Variants in PSMD1 observed in about 807,000 individuals in gnomAD.
The protein encoded by PSMD1 is 26S proteasome non-ATPase regulatory subunit 1.
A neutral mutation model predicts 119.0 loss-of-function variants in PSMD1; 18 were observed. That is an observed-to-expected ratio of 0.15 (90% confidence interval 0.10 to 0.22). The LOEUF (loss-of-function observed/expected upper bound fraction) is 0.22, where lower values mean the gene tolerates loss of function less well. PSMD1 is among the 10% of genes least tolerant of loss of function. PSMD1 has a pLI of 1.00. For synonymous variants in PSMD1, 374 were observed against 396.6 expected, an observed-to-expected ratio of 0.94 and a Z score of 0.68; for missense variants, 702 against 1,158.5, an observed-to-expected ratio of 0.61 and a Z score of 5.72.
chr2:231,116,663 A>T (rs1467438236), intron 16 of PSMD1, among the ~76,000 whole-genome samples: 1 of 152,112 alleles, frequency 6.6e-6, no homozygotes, highest in Non-Finnish European at 1.5e-5. Context: ...GTGCTGATTT[A>T]AGTAACCCTA....
rs144450065 is a variant in PSMD1 at position 231,159,993 on chromosome 2, C to T, written c.2219-1347C>T. 2.1e-3 allele frequency among the ~76,000 whole-genome samples: 325 copies of T among 152,356 alleles called. 1 individual carries two copies. The highest frequency in any genetic ancestry group is 7.1e-3 in the African/African-American group (297 of 41,582). ...GAGGCAGAGCTCAGGTGGTAATGCT[C>T]ACTTGCCCTCCGCTCACCTCCTGCT... On this transcript the variant is annotated intron_variant, in intron 19 of 24. Coordinates refer to ENST00000308696, the MANE Select transcript of PSMD1 (RefSeq NM_002807.4).
chr2:231,143,386 C>T (rs1198036282), intron 17 of PSMD1, among the ~76,000 whole-genome samples: 3 of 152,124 alleles, frequency 2.0e-5, no homozygotes, highest in Admixed American at 6.6e-5. Context: ...CCCACCACCA[C>T]GCCCAGCTAA....
At chr2:231,118,935 C>A (rs1695438753) in intron 16 of PSMD1, among the ~76,000 whole-genome samples, 1 of 152,162 alleles carries the variant, frequency 6.6e-6, no homozygotes, top group Non-Finnish European at 1.5e-5. Context: ...TTCAAATATA[C>A]ATTTATCTCA....
At chr2:231,139,154 C>T (rs933850016) in intron 17 of PSMD1, 2 of 381,746 alleles carry the variant, frequency 5.2e-6, no homozygotes, top group South Asian at 2.1e-5. Flanking sequence ...TGTTTTGAAA[C>T]GGAATTTCAC....
chr2:231,062,713 G>C, intron 4 of PSMD1, 38 bp downstream of exon 4: 1 of 1,464,604 alleles, frequency 6.8e-7, no homozygotes, highest in Non-Finnish European at 9.1e-7. Flanking sequence ...TATCTTGTCG[G>C]CTTCTTTCTT....
rs571719003 is a variant in PSMD1, at chr2:231,057,122, G to A, written c.16+81G>A. The A allele has an allele frequency of 7.1e-6, 10 of 1,403,922 alleles. No individual in the cohort carries two copies. In the Admixed American group the frequency reaches 1.3e-4, roughly 18 times the overall value. 87.0% of individuals were successfully genotyped at this position (1,403,922 alleles called of 1,614,324 possible). On this transcript the variant is annotated intron_variant, in intron 1 of 24. Coordinates refer to ENST00000308696, the MANE Select transcript of PSMD1 (RefSeq NM_002807.4). Reference sequence around the variant, plus strand: ...TTAGCTGAGTCAGGGCCGGTGACTGGGCGCCTCCCGGCGGAACGCCGGCCT... The same window carrying A: ...TTAGCTGAGTCAGGGCCGGTGACTGAGCGCCTCCCGGCGGAACGCCGGCCT...
At chr2:231,111,917 T>A (rs1412382945) in intron 16 of PSMD1, among the ~76,000 whole-genome samples, 1 of 152,206 alleles carries the variant, frequency 6.6e-6, no homozygotes, top group Non-Finnish European at 1.5e-5. Flanking sequence ...AGATTCTTTT[T>A]CTTGATCATC....
At chr2:231,122,148 T>C (rs1402702882) in intron 16 of PSMD1, among the ~76,000 whole-genome samples, 1 of 152,170 alleles carries the variant, frequency 6.6e-6, no homozygotes, top group South Asian at 2.1e-4. Context: ...AGAAAGACTG[T>C]TAATTATTAG....
At chr2:231,059,113 G>A (rs1209521772) in intron 1 of PSMD1, among the ~76,000 whole-genome samples, 2 of 152,146 alleles carry the variant, frequency 1.3e-5, no homozygotes, top group South Asian at 2.1e-4. Flanking sequence ...TTAAAGTAGA[G>A]GCGGAAAAAG....
intron 17 of PSMD1, among the ~76,000 whole-genome samples, chr2:231,141,113 G>C (rs998700448): frequency 1.3e-5 from 2 of 152,190 alleles, no homozygotes; most frequent in Non-Finnish European, 2.9e-5. Flanking sequence ...TTCAAGACCA[G>C]CCTGCCTAAC....
In PSMD1 at chr2:231,057,019, C is replaced by T. The variant is rs1011678953; in HGVS notation, c.-7C>T. ...AGCGAGCCGACGGGCGAGTGAGGGG[C>T]GCAGCCATGATCACCTCGGCCGGTG... On this transcript the variant is annotated 5_prime_UTR_variant, in exon 1 of 25. Coordinates refer to ENST00000308696, the MANE Select transcript of PSMD1 (RefSeq NM_002807.4). 4 of 1,538,202 alleles carry T rather than the reference C, an allele frequency of 2.6e-6. No homozygotes were observed. The African/African-American group carries it at 5.6e-5, about 22-fold the overall frequency.
intron 16 of PSMD1, among the ~76,000 whole-genome samples, chr2:231,094,651 A>T (rs1318927232): frequency 6.6e-6 from 1 of 152,184 alleles, no homozygotes; most frequent in African/African-American, 2.4e-5. Context: ...GTTTCTACCA[A>T]ATTGCCACTT....
chr2:231,116,595 GA>G (rs1695342810), intron 16 of PSMD1, among the ~76,000 whole-genome samples: 1 of 151,930 alleles, frequency 6.6e-6, no homozygotes, highest in Non-Finnish European at 1.5e-5. Flanking sequence ...CGTGTCTTTG[GA>G]ATTTGACCAT....
At chr2:231,105,792 T>A (rs1365523378) in intron 16 of PSMD1, among the ~76,000 whole-genome samples, 2 of 151,498 alleles carry the variant, frequency 1.3e-5, no homozygotes, top group Admixed American at 6.6e-5. Context: ...GTGAACCAGT[T>A]ACCACTAACA....
chr2:231,170,691 A>G lies in PSMD1; in HGVS notation c.2841A>G (p.Pro947=). 6.2e-7 allele frequency: 1 copy of G among 1,612,508 alleles called. No homozygotes were observed. The highest frequency in any genetic ancestry group is 8.5e-7 in the Non-Finnish European group (1 of 1,179,484). Residue 947 remains proline, a synonymous_variant, in exon 24 of 25, where the codon CCA becomes CCG. Coordinates refer to ENST00000308696, the MANE Select transcript of PSMD1 (RefSeq NM_002807.4). The surrounding 1 kb of genome is among the most constrained non-coding windows in gnomAD (Gnocchi z 4.1). ...AACAAGAGCCAGAACCCCCAGAACC[A>G]TTTGAGTATATTGATGATTAAGGGC... The part of the protein sequence containing the change: ...EEEQEPEPPE[P]FEYIDD
intron 23 of PSMD1, 94 bp downstream of exon 23, chr2:231,166,111 A>T: frequency 1.6e-6 from 2 of 1,219,764 alleles, no homozygotes; most frequent in Non-Finnish European, 2.2e-6. Context: ...TCTCCAAAGC[A>T]TTGGAGCAAG....
chr2:231,089,839 T>A (rs1467172081), intron 16 of PSMD1, among the ~76,000 whole-genome samples: 1 of 152,122 alleles, frequency 6.6e-6, no homozygotes, highest in Non-Finnish European at 1.5e-5. Flanking sequence ...TGAGAGCTGA[T>A]TAGATTATGC....
intron 16 of PSMD1, among the ~76,000 whole-genome samples, chr2:231,128,810 T>G (rs536195700): frequency 6.6e-6 from 1 of 152,330 alleles, no homozygotes; most frequent in East Asian, 1.9e-4. Flanking sequence ...AGTGCTGTCT[T>G]ACCACAATAC....
chr2:231,164,664 C>G (rs1439400314), intron 21 of PSMD1, among the ~76,000 whole-genome samples: 1 of 151,924 alleles, frequency 6.6e-6, no homozygotes, highest in Non-Finnish European at 1.5e-5. Context: ...ACCAGTATTG[C>G]CCAGCTTTTC....
Sources: allele counts gnomAD v4.1 joint callset (sites outside exome capture counted in the v4.1 genomes callset), GRCh38; gene constraint gnomAD v4.1.1; non-coding constraint Gnocchi (gnomAD v3.1); transcripts MANE v1.5; gene names NCBI Gene and HGNC (gene_info 2026-07-23, HGNC 2026-07-21).